CREBBP: variants seen among roughly 807,000 people sequenced by gnomAD.
CREBBP encodes CREB binding lysine acetyltransferase, also known as CREB-binding protein.
A neutral mutation model predicts 265.0 loss-of-function variants in CREBBP; 19 were observed. That is an observed-to-expected ratio of 0.07 (90% CI 0.05 to 0.11). CREBBP has a LOEUF of 0.11. CREBBP is among the 10% of genes least tolerant of loss of function. The pLI is 1.00. For missense variants in CREBBP, 2,525 were observed against 3,219.0 expected, an observed-to-expected ratio of 0.78 and a Z score of 5.22; for synonymous variants, 1,457 against 1,223.7, an observed-to-expected ratio of 1.19 and a Z score of -3.98.
At chr16:3,823,801 T>C (rs1401689939) in intron 2 of CREBBP, among the ~76,000 whole-genome samples, 8 of 152,140 alleles carry the variant, frequency 5.3e-5, no homozygotes, top group African/African-American at 2.4e-5. Flanking sequence ...CAAGTTTCCA[T>C]GGCAAGGCAC....
At position 3,730,061 on chromosome 16, in the gene CREBBP, G is replaced by GGGAT. The variant is rs540059123; in HGVS notation, c.5173-191_5173-188dup. On this transcript the variant is annotated intron_variant, in intron 30 of 30. Coordinates refer to ENST00000262367, the MANE Select transcript of CREBBP (RefSeq NM_004380.3). Reference sequence around the variant, plus strand: ...GACAGGGCGGGAGCACGGACAAGATGGGATCATGGACGGGATGGGATCATG... The same window carrying GGGAT: ...GACAGGGCGGGAGCACGGACAAGATGGGATGGATCATGGACGGGATGGGATCATG... 2.8e-3 allele frequency among the ~76,000 whole-genome samples: 433 copies of GGGAT among 152,260 alleles called. 1 individual carries two copies. The highest frequency in any genetic ancestry group is 9.5e-3 in the African/African-American group (396 of 41,552).
intron 1 of CREBBP, among the ~76,000 whole-genome samples, chr16:3,877,235 T>C (rs1233489499): frequency 6.6e-6 from 1 of 152,198 alleles, no homozygotes; most frequent in Non-Finnish European, 1.5e-5. Flanking sequence ...TAAGATTGAG[T>C]TCCTCAAGAA....
intron 2 of CREBBP, among the ~76,000 whole-genome samples, chr16:3,835,780 C>T (rs973981675): frequency 6.6e-6 from 1 of 151,610 alleles, no homozygotes; most frequent in African/African-American, 2.4e-5. Context: ...GGGGGTTTCA[C>T]CACGTTAGCC....
rs2141248029 is a variant in CREBBP at position 3,781,277 on chromosome 16, C to T, written c.1603G>A (p.Gly535Arg). The change falls in exon 7 of 31, where the codon GGA (glycine) becomes AGA (arginine). Residue 535 changes from glycine to arginine, a missense_variant. Transcript: ENST00000262367. ...GNNPMNIPAG[G>R]ITTDQQPPNL... ...GGGGGCTGCTGATCTGTTGTTATTC[C>T]TCCTGCTGGAATGTTCATTGGATTA... 6.2e-7 allele frequency: 1 copy of T among 1,613,912 alleles called. No individual in the cohort carries two copies. The highest frequency in any genetic ancestry group is 2.2e-5 in the East Asian group (1 of 44,868).
intron 1 of CREBBP, among the ~76,000 whole-genome samples, chr16:3,877,543 C>A (rs1195678970): frequency 2.0e-5 from 3 of 152,248 alleles, no homozygotes; most frequent in African/African-American, 7.2e-5. Flanking sequence ...GCTGGAATTA[C>A]AGGTGCATGT....
intron 2 of CREBBP, among the ~76,000 whole-genome samples, chr16:3,845,064 A>AT (rs571567868): frequency 1.3e-5 from 2 of 152,142 alleles, no homozygotes; most frequent in South Asian, 4.1e-4. Context: ...AATCCCAAAG[A>AT]TTTTTTGTTT....
rs1201106405 is a variant in CREBBP at position 3,740,651 on chromosome 16, T to C, written c.3983-102A>G. 5 of 1,306,596 alleles carry C rather than the reference T, an allele frequency of 3.8e-6. 1 individual carries two copies. Among genetic ancestry groups the C allele is most frequent in the South Asian group, 3.7e-5 (3 of 82,148 alleles). 80.9% of individuals were successfully genotyped at this position (1,306,596 alleles called of 1,614,324 possible). A position where few individuals can be genotyped will look rare whatever the true frequency, so the allele number is the denominator to read the frequency against. ...CCCACTTTGCAGCACAGGCTGATAT[T>C]TTAAAGGACTAATGTTCTCCAAACA... On this transcript the variant is annotated intron_variant, in intron 23 of 30. Transcript: ENST00000262367.
At chr16:3,808,256 C>G (rs903596204) in intron 3 of CREBBP, among the ~76,000 whole-genome samples, 1 of 152,208 alleles carries the variant, frequency 6.6e-6, no homozygotes, top group Non-Finnish European at 1.5e-5. Flanking sequence ...GATGCTGTTG[C>G]TACTGCTTCT....
intron 1 of CREBBP, among the ~76,000 whole-genome samples, chr16:3,865,064 A>C (rs2055150034): frequency 6.6e-6 from 1 of 152,268 alleles, no homozygotes; most frequent in Non-Finnish European, 1.5e-5. Flanking sequence ...GTCTCAAAAA[A>C]AAAAAGAATA....
At position 3,738,679 on chromosome 16, in the gene CREBBP, G is replaced by A. The variant is rs2151334639; in HGVS notation, c.4281-7C>T. 6 of 1,580,724 alleles carry A rather than the reference G, an allele frequency of 3.8e-6. No homozygotes were observed. The South Asian group carries it at 6.7e-5, about 18-fold the overall frequency. On this transcript the variant is annotated splice_region_variant and splice_polypyrimidine_tract_variant and intron_variant, in intron 25 of 30. Coordinates refer to ENST00000262367, the MANE Select transcript of CREBBP (RefSeq NM_004380.3). Reference sequence around the variant, plus strand: ...ATAAGAAATGTACACACGCCTGTGGGAAGGAGGCACATGTTTAACTCAGGG... The same window carrying A: ...ATAAGAAATGTACACACGCCTGTGGAAAGGAGGCACATGTTTAACTCAGGG...
At chr16:3,744,128 T>C (rs550155609) in intron 23 of CREBBP, among the ~76,000 whole-genome samples, 2 of 151,856 alleles carry the variant, frequency 1.3e-5, no homozygotes, top group South Asian at 2.1e-4. Flanking sequence ...CAGTAACAGG[T>C]TGTTCCTTCT....
At chr16:3,820,411 C>T (rs1351669100) in intron 2 of CREBBP, among the ~76,000 whole-genome samples, 1 of 152,224 alleles carries the variant, frequency 6.6e-6, no homozygotes, top group Non-Finnish European at 1.5e-5. Flanking sequence ...AGCACCTGGG[C>T]AGGTGAACAG....
At chr16:3,778,959 C>A in intron 8 of CREBBP, 142 bp from the exon 9 acceptor site, 1 of 659,718 alleles carries the variant, frequency 1.5e-6, no homozygotes, top group Non-Finnish European at 2.7e-6. Context: ...CTGAGGTCAG[C>A]AGTTTGAGAT....
At chr16:3,865,946 T>C (rs2055170970) in intron 1 of CREBBP, among the ~76,000 whole-genome samples, 2 of 151,584 alleles carry the variant, frequency 1.3e-5, no homozygotes, top group Admixed American at 6.6e-5. Context: ...AAGAAACTGA[T>C]TTTTTTTTAA....
intron 23 of CREBBP, 162 bp from the exon 24 acceptor site, chr16:3,740,711 T>A: frequency 1.1e-6 from 1 of 883,296 alleles, no homozygotes; most frequent in Non-Finnish European, 1.8e-6. Context: ...GACACGAGTG[T>A]TATATAAAGG....
At chr16:3,780,957 C>A (rs1035499385) in intron 7 of CREBBP, 79 bp from the exon 8 acceptor site, 1 of 1,524,748 alleles carries the variant, frequency 6.6e-7, no homozygotes, top group East Asian at 2.3e-5. Flanking sequence ...TCTTCTGCCA[C>A]CACATGTGAC....
chr16:3,748,704 T>C (rs567809302), intron 21 of CREBBP, among the ~76,000 whole-genome samples: 1 of 152,288 alleles, frequency 6.6e-6, no homozygotes, highest in South Asian at 2.1e-4. Context: ...AAATAGCCAG[T>C]ATCGCCATGC....
In CREBBP at chr16:3,736,829, G is replaced by A. The variant is rs753992452; in HGVS notation, c.4395-14C>T. Reference sequence around the variant, plus strand: ...CCTGTCACATACCTGCAGGACCCACGCACACACGTCAGATGAACGTGCCAG... The same window carrying A: ...CCTGTCACATACCTGCAGGACCCACACACACACGTCAGATGAACGTGCCAG... On this transcript the variant is annotated splice_polypyrimidine_tract_variant and intron_variant, in intron 26 of 30. Coordinates refer to ENST00000262367, the MANE Select transcript of CREBBP (RefSeq NM_004380.3). 1.4e-5 allele frequency: 23 copies of A among 1,612,376 alleles called. No homozygotes were observed. Among genetic ancestry groups the A allele is most frequent in the Middle Eastern group, 1.7e-4 (1 of 6,010 alleles).
chr16:3,842,021 T>C (rs964009598), intron 2 of CREBBP, among the ~76,000 whole-genome samples: 2 of 152,186 alleles, frequency 1.3e-5, no homozygotes, highest in Admixed American at 1.3e-4. Context: ...TTAAAACTTT[T>C]ACTCCAGGAA....
Sources: gnomAD v4.1 joint callset for allele counts (sites outside exome capture counted in the v4.1 genomes callset) on GRCh38, gnomAD v4.1.1 for gene constraint, MANE v1.5 for transcripts, NCBI Gene and HGNC (gene_info 2026-07-23, HGNC 2026-07-21) for gene names.